MRTFB: variants seen among roughly 807,000 people sequenced by gnomAD.
The protein encoded by MRTFB is myocardin-related transcription factor B.
A neutral mutation model predicts 104.2 loss-of-function variants in MRTFB; 29 were observed. That is an observed-to-expected ratio of 0.28 (90% CI 0.21 to 0.38). MRTFB has a LOEUF of 0.38. MRTFB is among the 10% of genes least tolerant of loss of function. The pLI, the probability that MRTFB is intolerant of heterozygous loss-of-function variation, is 1.00. For missense variants in MRTFB, 1,270 were observed against 1,341.6 expected (o/e 0.95, Z 0.83); for synonymous variants, 535 against 519.5 (o/e 1.03, Z -0.41).
chr16:14,258,063 T>C, intron 15 of MRTFB, 38 bp from the exon 16 acceptor site: 1 of 1,566,712 alleles, frequency 6.4e-7, no homozygotes. Flanking sequence ...TCCAGGTTTG[T>C]ATGAAAGAAA....
chr16:14,055,186 T>C, the MRTFB span, among the ~76,000 whole-genome samples: 1 of 152,096 alleles, frequency 6.6e-6, no homozygotes, highest in Admixed American at 6.5e-5. Context: ...ACCCCGTCTC[T>C]ACTAAAAATA....
At chr16:14,028,223 A>ACAAAACAAAACAAAACAAAACAAAT in the MRTFB span, among the ~76,000 whole-genome samples, 3 of 151,898 alleles carry the variant, frequency 2.0e-5, no homozygotes, top group Non-Finnish European at 4.4e-5. Flanking sequence ...ACAAAACAAA[A>ACAAAACAAAACAAAACAAAACAAAT]CAAACCAAGT....
chr16:14,249,228 G>A (rs2043154434), intron 13 of MRTFB, 147 bp downstream of exon 13: 2 of 909,442 alleles, frequency 2.2e-6, no homozygotes, highest in African/African-American at 3.4e-5. Context: ...CCTTAGGTCA[G>A]ATGCCATTTG....
intron 3 of MRTFB, among the ~76,000 whole-genome samples, chr16:14,168,075 CAT>C (rs1389010103): frequency 3.2e-4 from 48 of 152,248 alleles, no homozygotes; most frequent in African/African-American, 1.1e-3. Context: ...CTCCTAACAC[CAT>C]TTATGAAATA....
At chr16:14,257,034 G>A (rs1038240029) in intron 15 of MRTFB, among the ~76,000 whole-genome samples, 3 of 152,184 alleles carry the variant, frequency 2.0e-5, no homozygotes, top group Non-Finnish European at 4.4e-5. Flanking sequence ...TAAAACCCCT[G>A]TGCAATACCG....
At chr16:14,225,655 A>AGCAT (rs1184857405) in intron 8 of MRTFB, among the ~76,000 whole-genome samples, 4 of 145,852 alleles carry the variant, frequency 2.7e-5, no homozygotes, top group African/African-American at 1.1e-4. Context: ...CCATCCAGAA[A>AGCAT]GCATTCATTC....
At chr16:14,171,551 T>C (rs1419665606) in intron 3 of MRTFB, among the ~76,000 whole-genome samples, 3 of 152,078 alleles carry the variant, frequency 2.0e-5, no homozygotes, top group Non-Finnish European at 4.4e-5. Flanking sequence ...ACTATCACTG[T>C]ATATATTAAA....
At chr16:14,019,513 A>G in the MRTFB span, 7 of 152,170 alleles carry the variant, frequency 4.6e-5, no homozygotes, top group African/African-American at 9.7e-5. Context: ...CACAATCTCT[A>G]TCAAGTTTTT....
intron 2 of MRTFB, among the ~76,000 whole-genome samples, chr16:14,097,733 A>C (rs1035116658): frequency 6.6e-6 from 1 of 152,176 alleles, no homozygotes; most frequent in African/African-American, 2.4e-5. Flanking sequence ...TCCTTCCTGC[A>C]TGCTCCTTTG....
chr16:14,242,077 C>G (rs1004755007), intron 10 of MRTFB, among the ~76,000 whole-genome samples: 13 of 152,052 alleles, frequency 8.5e-5, no homozygotes, highest in African/African-American at 3.1e-4. Context: ...TCATCCTCAT[C>G]CTCGCCTCAA....
At chr16:14,053,450 A>G in the MRTFB span, among the ~76,000 whole-genome samples, 1 of 152,088 alleles carries the variant, frequency 6.6e-6, no homozygotes, top group African/African-American at 2.4e-5. Flanking sequence ...TTAAAAAATT[A>G]GGCTGGGCAC....
At chr16:14,109,263 G>C (rs952356491) in intron 2 of MRTFB, among the ~76,000 whole-genome samples, 1 of 152,154 alleles carries the variant, frequency 6.6e-6, no homozygotes, top group African/African-American at 2.4e-5. Context: ...CAAGGGCTTA[G>C]TTTACACGCA....
intron 2 of MRTFB, among the ~76,000 whole-genome samples, chr16:14,128,492 A>G (rs2037271239): frequency 1.3e-5 from 2 of 152,250 alleles, no homozygotes; most frequent in Non-Finnish European, 2.9e-5. Flanking sequence ...GCCTTCACCT[A>G]CTGCGGCCTT....
chr16:14,180,913 C>G (rs919701695), intron 3 of MRTFB, among the ~76,000 whole-genome samples: 33 of 152,176 alleles, frequency 2.2e-4, no homozygotes, highest in Non-Finnish European at 4.0e-4. Flanking sequence ...GTGTTCAATT[C>G]TGCTGCAGTG....
chr16:14,022,157 C>T, the MRTFB span, among the ~76,000 whole-genome samples: 1 of 152,172 alleles, frequency 6.6e-6, no homozygotes, highest in African/African-American at 2.4e-5. Flanking sequence ...TGCCATGTAA[C>T]ATCACTTACA....
chr16:14,068,174 T>C (rs144924175), upstream of MRTFB, among the ~76,000 whole-genome samples: 15 of 152,276 alleles, frequency 9.9e-5, no homozygotes, highest in East Asian at 2.9e-3. Flanking sequence ...ATCCTCCTAC[T>C]TGAATTGCTA....
chr16:14,154,559 G>C (rs1294339301), intron 3 of MRTFB, among the ~76,000 whole-genome samples: 6 of 152,110 alleles, frequency 3.9e-5, no homozygotes, highest in Non-Finnish European at 8.8e-5. Flanking sequence ...GCTTTGTAGT[G>C]AATTTCTTTA....
chr16:14,044,813 A>T, the MRTFB span, among the ~76,000 whole-genome samples: 23 of 152,106 alleles, frequency 1.5e-4, no homozygotes, highest in Non-Finnish European at 7.4e-5. Context: ...AGAGAACCCA[A>T]TGTTTCGGAA....
intron 2 of MRTFB, among the ~76,000 whole-genome samples, chr16:14,138,512 TTTC>T (rs1210338519): frequency 6.6e-6 from 1 of 152,166 alleles, no homozygotes; most frequent in Non-Finnish European, 1.5e-5. Context: ...TTCTGTTAGG[TTTC>T]TTCTTAAGAG....
Sources: gnomAD v4.1 joint callset for allele counts (sites outside exome capture counted in the v4.1 genomes callset) on GRCh38, gnomAD v4.1.1 for gene constraint, MANE v1.5 for transcripts, NCBI Gene and HGNC (gene_info 2026-07-23, HGNC 2026-07-21) for gene names.